RSBN1L: variants seen among roughly 807,000 people sequenced by gnomAD.
RSBN1L encodes the protein round spermatid basic protein 1 like.
In RSBN1L, 30 loss-of-function variants were observed where a neutral mutation model predicts 67.7. The ratio of observed to expected loss-of-function variants is 0.44; its 90% confidence interval spans 0.33 to 0.60. The LOEUF is 0.60. Among genes scored for constraint, RSBN1L ranks in the 20% least tolerant of loss-of-function variants. The pLI, the probability that RSBN1L is intolerant of heterozygous loss-of-function variation, is 0.02. For missense variants in RSBN1L, 992 were observed against 1,031.7 expected, an observed-to-expected ratio of 0.96 and a Z score of 0.53; for synonymous variants, 433 against 387.0, an observed-to-expected ratio of 1.12 and a Z score of -1.39.
At chr7:77,720,910 C>T (rs753470149) in intron 1 of RSBN1L, among the ~76,000 whole-genome samples, 2 of 151,772 alleles carry the variant, frequency 1.3e-5, no homozygotes, top group African/African-American at 2.4e-5. Flanking sequence ...GCGTGGGCGA[C>T]CTTGCCCGGC....
At chr7:77,768,068 C>T (rs1448835991) in intron 4 of RSBN1L, among the ~76,000 whole-genome samples, 3 of 150,456 alleles carry the variant, frequency 2.0e-5, no homozygotes, top group East Asian at 2.0e-4. Context: ...AGGACGGTCT[C>T]GATATCTTGA....
chr7:77,766,534 T>A (rs1791768465), intron 4 of RSBN1L, among the ~76,000 whole-genome samples: 1 of 151,608 alleles, frequency 6.6e-6, no homozygotes, highest in Admixed American at 6.6e-5. Context: ...TTTTTTTTTT[T>A]AAAGCCTCTT....
intron 1 of RSBN1L, among the ~76,000 whole-genome samples, chr7:77,713,585 T>G (rs1791005427): frequency 6.6e-6 from 1 of 151,746 alleles, no homozygotes; most frequent in South Asian, 2.1e-4. Flanking sequence ...CTCGATCTCC[T>G]GACCTCATGA....
chr7:77,776,331 A>G (rs963894497), intron 6 of RSBN1L, among the ~76,000 whole-genome samples: 6 of 152,188 alleles, frequency 3.9e-5, no homozygotes, highest in Non-Finnish European at 8.8e-5. Flanking sequence ...AGTTTTTAGT[A>G]TATTCACAGA....
At position 77,736,429 on chromosome 7, in the gene RSBN1L, TA is replaced by T; in HGVS notation, c.609del (p.Glu204ArgfsTer15). 1 of 1,086,980 alleles carries T rather than the reference TA, an allele frequency of 9.2e-7. No homozygotes were observed. Among genetic ancestry groups the T allele is most frequent in the Non-Finnish European group, 1.3e-6 (1 of 782,468 alleles). The allele number at this position is 1,086,980 out of a possible 1,614,324, so 67.3% of individuals were successfully genotyped here. A position where few individuals can be genotyped will look rare whatever the true frequency, so the allele number is the denominator to read the frequency against. ...TTCCAGATAAAATCAAAGACAAAAT[TA>T]AAGAGAGAGACAAAGAAAAAGAAAG... ...LPRDKIKDKI[K>X]ERDKEKEREK... is the part of the protein sequence containing the mutation. On this transcript the variant is annotated frameshift_variant, in exon 2 of 8. Transcript: ENST00000334955. LOFTEE classifies it high-confidence loss of function.
intron 6 of RSBN1L, among the ~76,000 whole-genome samples, chr7:77,774,955 A>G (rs1009498504): frequency 2.6e-5 from 4 of 152,082 alleles, no homozygotes; most frequent in African/African-American, 9.6e-5. Context: ...TTGACCACCC[A>G]TCTTCAAGCA....
At chr7:77,743,393 G>GT (rs1562802773) in intron 2 of RSBN1L, among the ~76,000 whole-genome samples, 1 of 151,784 alleles carries the variant, frequency 6.6e-6, no homozygotes, top group Admixed American at 6.6e-5. Context: ...GAGGTCAGGA[G>GT]TTTGAGACCA....
At chr7:77,744,826 A>G (rs922821074) in intron 2 of RSBN1L, among the ~76,000 whole-genome samples, 5 of 152,234 alleles carry the variant, frequency 3.3e-5, no homozygotes, top group African/African-American at 7.2e-5. Flanking sequence ...CTAGTTCTTC[A>G]TTGGATACTT....
chr7:77,765,703 C>T (rs377546977), intron 4 of RSBN1L, 71 bp downstream of exon 4: 1 of 1,101,222 alleles, frequency 9.1e-7, no homozygotes, highest in African/African-American at 1.6e-5. Context: ...TATGAGTAAT[C>T]TAAATTGTGA....
intron 1 of RSBN1L, among the ~76,000 whole-genome samples, chr7:77,697,542 C>T (rs1233499113): frequency 6.6e-6 from 1 of 152,124 alleles, no homozygotes; most frequent in Non-Finnish European, 1.5e-5. Flanking sequence ...TGGAAGCTAC[C>T]AGAGGCCTGA....
Position 77,736,441 on chromosome 7 carries a change from CAAAGAA to C in RSBN1L, c.626_631del (p.Lys209_Glu210del), listed in dbSNP as rs1662241603. 5.5e-6 allele frequency: 6 copies of C among 1,081,472 alleles called. No homozygotes were observed. The highest frequency in any genetic ancestry group is 7.7e-6 in the Non-Finnish European group (6 of 775,504). 67.0% of individuals were successfully genotyped at this position (1,081,472 alleles called of 1,614,324 possible). On this transcript the variant is annotated inframe_deletion, in exon 2 of 8. Transcript: ENST00000334955. ...TCAAAGACAAAATTAAAGAGAGAGA[CAAAGAA>C]AAAGAAAGAGAAAAAAAGAAACATA...
chr7:77,767,142 T>C (rs1351294653), intron 4 of RSBN1L, among the ~76,000 whole-genome samples: 1 of 148,410 alleles, frequency 6.7e-6, no homozygotes, highest in Non-Finnish European at 1.5e-5. Flanking sequence ...TTGCCCAGGC[T>C]AGCTTTGAAG....
chr7:77,723,833 C>T (rs1368867670), intron 1 of RSBN1L, among the ~76,000 whole-genome samples: 3 of 152,098 alleles, frequency 2.0e-5, no homozygotes, highest in African/African-American at 7.2e-5. Flanking sequence ...ACTCGGGTGG[C>T]CGAGGCAAGA....
intron 1 of RSBN1L, among the ~76,000 whole-genome samples, chr7:77,724,825 A>G (rs1220029644): frequency 6.8e-6 from 1 of 146,932 alleles, no homozygotes; most frequent in Non-Finnish European, 1.5e-5. Flanking sequence ...TAAGCCCCCT[A>G]TTTTTTTTCT....
chr7:77,763,270 C>T (rs1791719581), intron 3 of RSBN1L, among the ~76,000 whole-genome samples: 2 of 151,532 alleles, frequency 1.3e-5, no homozygotes, highest in South Asian at 4.2e-4. Flanking sequence ...CGTGTCACCA[C>T]CCCTAACTCT....
intron 2 of RSBN1L, among the ~76,000 whole-genome samples, chr7:77,743,457 TG>T (rs1462801093): frequency 7.6e-5 from 8 of 105,614 alleles, no homozygotes; most frequent in South Asian, 2.9e-4. Context: ...ATAAATAAGT[TG>T]GTTTTGTTTT....
rs149678164 is a variant in RSBN1L at position 77,728,255 on chromosome 7, T to C, written c.587-8155T>C. Among the ~76,000 whole-genome samples the C allele has an allele frequency of 3.6e-3, 550 of 152,364 alleles. 9 individuals are homozygous for C. The highest frequency in any genetic ancestry group is 0.014 in the Middle Eastern group (4 of 294). On this transcript the variant is annotated intron_variant, in intron 1 of 7. Coordinates refer to ENST00000334955, the MANE Select transcript of RSBN1L (RefSeq NM_198467.3). Reference sequence around the variant, plus strand: ...ATGTGTGGTAATTTTTTAAAAATTTTTGCTTGTCTGAATATGCCTTCCTGC... The same window carrying C: ...ATGTGTGGTAATTTTTTAAAAATTTCTGCTTGTCTGAATATGCCTTCCTGC...
At position 77,727,232 on chromosome 7, in the gene RSBN1L, CAT is replaced by C. The variant is rs1053857974; in HGVS notation, c.587-9177_587-9176del. ...CCTCCTGAGTAGCTGGGATTACACA[CAT>C]GTGCCACCACGCCCAACTAGTTTTA... is the stretch of plus-strand genomic sequence containing the variant. On this transcript the variant is annotated intron_variant, in intron 1 of 7. Transcript: ENST00000334955. Among the ~76,000 whole-genome samples, 5 of 152,208 alleles carry C rather than the reference CAT, an allele frequency of 3.3e-5. No homozygotes were observed. The South Asian group carries it at 1.0e-3, about 32-fold the overall frequency.
intron 1 of RSBN1L, among the ~76,000 whole-genome samples, chr7:77,702,212 C>G (rs892998488): frequency 6.8e-6 from 1 of 146,638 alleles, no homozygotes; most frequent in African/African-American, 2.5e-5. Flanking sequence ...ATGATCCACC[C>G]GCCTTGGCCT....
Sources: gnomAD v4.1 joint callset for allele counts (sites outside exome capture counted in the v4.1 genomes callset) on GRCh38, gnomAD v4.1.1 for gene constraint, MANE v1.5 for transcripts, NCBI Gene and HGNC (gene_info 2026-07-23, HGNC 2026-07-21) for gene names.